Variants in BTRC observed in about 807,000 individuals in gnomAD.
The protein encoded by BTRC is beta-transducin repeat containing E3 ubiquitin protein ligase, also known as F-box/WD repeat-containing protein 1A.
In BTRC, 42 loss-of-function variants were observed where a neutral mutation model predicts 85.5. That is an observed-to-expected ratio of 0.49 (90% confidence interval 0.38 to 0.64). The LOEUF (loss-of-function observed/expected upper bound fraction) is 0.64. Ranked by LOEUF, BTRC falls within the 30% of genes least tolerant of loss-of-function variation. The pLI, the probability that BTRC is intolerant of heterozygous loss-of-function variation, is 0.00. For missense variants in BTRC, 594 were observed against 743.5 expected (o/e 0.80, Z 2.34); for synonymous variants, 255 against 263.3 (o/e 0.97, Z 0.30).
chr10:101,423,472 G>T (rs1026795873), intron 1 of BTRC, among the ~76,000 whole-genome samples: 6 of 152,174 alleles, frequency 3.9e-5, no homozygotes, highest in Admixed American at 2.0e-4. Context: ...TAAACTTATA[G>T]TAGCTGTTGT....
At chr10:101,529,006 T>C (rs201987537) in intron 6 of BTRC, among the ~76,000 whole-genome samples, 2 of 152,248 alleles carry the variant, frequency 1.3e-5, no homozygotes, top group East Asian at 3.8e-4. Flanking sequence ...GTCTGCTCAG[T>C]AATGGTAACT....
At position 101,509,534 on chromosome 10, in the gene BTRC, G is replaced by A. The variant is rs1254202442; in HGVS notation, c.325-12105G>A. Among the ~76,000 whole-genome samples, 124 of 148,694 alleles carry A rather than the reference G, an allele frequency of 8.3e-4. 1 individual carries two copies. Among genetic ancestry groups the A allele is most frequent in the South Asian group, 2.4e-3 (11 of 4,666 alleles). ...CTCCCAAAGTGCTGGGATTACAGGC[G>A]TGAGCCACCGCGCCCAGCCTTTTTT... On this transcript the variant is annotated intron_variant, in intron 4 of 14. Transcript: ENST00000370187.
chr10:101,464,031 C>T (rs370558446), intron 3 of BTRC, among the ~76,000 whole-genome samples: 3 of 151,702 alleles, frequency 2.0e-5, no homozygotes, highest in East Asian at 3.9e-4. Flanking sequence ...GGAGAATCAA[C>T]ACCTGATCTG....
intron 2 of BTRC, among the ~76,000 whole-genome samples, chr10:101,443,330 A>C (rs1222664487): frequency 6.6e-6 from 1 of 152,220 alleles, no homozygotes; most frequent in Non-Finnish European, 1.5e-5. Flanking sequence ...AAACATGCAA[A>C]TGTAGTCCTG....
At chr10:101,537,620 A>G (rs1174673313) in intron 12 of BTRC, among the ~76,000 whole-genome samples, 1 of 152,266 alleles carries the variant, frequency 6.6e-6, no homozygotes. Context: ...TTTAAATATC[A>G]GAAACTAACA....
chr10:101,354,510 AGGGAAAGGGGCGTG>A (rs1437697818), intron 1 of BTRC: 37 of 473,788 alleles, frequency 7.8e-5, no homozygotes, highest in Non-Finnish European at 1.3e-4. Flanking sequence ...GGGGCCCTGG[AGGGAAAGGGGCGTG>A]GGGACTGTTA....
chr10:101,474,133 A>G (rs373199154), intron 3 of BTRC, among the ~76,000 whole-genome samples: 6 of 152,204 alleles, frequency 3.9e-5, no homozygotes, highest in Middle Eastern at 3.4e-3. Context: ...TCTCTTGACA[A>G]TGGATCCCAT....
At chr10:101,369,138 G>A (rs1400572933) in intron 1 of BTRC, among the ~76,000 whole-genome samples, 1 of 151,876 alleles carries the variant, frequency 6.6e-6, no homozygotes, top group African/African-American at 2.4e-5. Flanking sequence ...ACCTTTTTAG[G>A]TTTGTTGACT....
At chr10:101,487,982 A>G (rs1159310699) in intron 4 of BTRC, among the ~76,000 whole-genome samples, 2 of 152,232 alleles carry the variant, frequency 1.3e-5, no homozygotes, top group Non-Finnish European at 2.9e-5. Context: ...TGGTTGATAT[A>G]TTAATAATCT....
chr10:101,411,397 C>A (rs898595975), intron 1 of BTRC, among the ~76,000 whole-genome samples: 7 of 152,164 alleles, frequency 4.6e-5, no homozygotes, highest in African/African-American at 1.7e-4. Context: ...TTCTGCCCAT[C>A]CCTGTTCTCT....
At chr10:101,457,653 T>A (rs1381642733) in intron 2 of BTRC, among the ~76,000 whole-genome samples, 4 of 152,174 alleles carry the variant, frequency 2.6e-5, no homozygotes, top group African/African-American at 9.7e-5. Context: ...AAACTTTCCA[T>A]CTGAGTATTG....
At chr10:101,463,123 A>G (rs2134174498) in intron 3 of BTRC, among the ~76,000 whole-genome samples, 1 of 150,412 alleles carries the variant, frequency 6.6e-6, no homozygotes, top group African/African-American at 2.4e-5. Flanking sequence ...TTGGCTCACC[A>G]CAACCTCCAC....
At chr10:101,519,872 G>A (rs1028013796) in intron 4 of BTRC, among the ~76,000 whole-genome samples, 3 of 152,016 alleles carry the variant, frequency 2.0e-5, no homozygotes, top group Non-Finnish European at 4.4e-5. Flanking sequence ...TTGTGCACCT[G>A]TAATCCCAGC....
chr10:101,390,361 G>A (rs1257478373), intron 1 of BTRC, among the ~76,000 whole-genome samples: 4 of 143,920 alleles, frequency 2.8e-5, no homozygotes, highest in African/African-American at 5.2e-5. Flanking sequence ...TTTCCGAGAC[G>A]GAGTCTCGCT....
intron 6 of BTRC, among the ~76,000 whole-genome samples, chr10:101,530,275 T>C (rs1488116490): frequency 2.0e-5 from 3 of 152,178 alleles, no homozygotes; most frequent in Non-Finnish European, 4.4e-5. Flanking sequence ...TTTTTTCTTC[T>C]TCCCTAGCTG....
At chr10:101,500,969 G>T (rs1296598065) in intron 4 of BTRC, among the ~76,000 whole-genome samples, 1 of 152,132 alleles carries the variant, frequency 6.6e-6, no homozygotes, top group Non-Finnish European at 1.5e-5. Flanking sequence ...CAAGGCAGGT[G>T]GATCACCTGA....
In BTRC at chr10:101,521,881, A is replaced by G; in HGVS notation, c.556+11A>G. Reference sequence around the variant, plus strand: ...TAACTGCTCTGCCAGGTATGTCTACAAGTGTTTGTAAACCATTAATTTGCT... The same window carrying G: ...TAACTGCTCTGCCAGGTATGTCTACGAGTGTTTGTAAACCATTAATTTGCT... On this transcript the variant is annotated intron_variant, in intron 5 of 14. Coordinates refer to ENST00000370187, the MANE Select transcript of BTRC (RefSeq NM_033637.4). 1.3e-6 allele frequency: 2 copies of G among 1,579,940 alleles called. No homozygotes were observed. The highest frequency in any genetic ancestry group is 1.7e-6 in the Non-Finnish European group (2 of 1,149,998).
rs2062686349 is a variant in BTRC at position 101,553,673 on chromosome 10, T to A, written c.*550T>A. The A allele has an allele frequency of 6.6e-6, 1 of 152,520 alleles. No homozygotes were observed. Among genetic ancestry groups the A allele is most frequent in the Non-Finnish European group, 1.5e-5 (1 of 68,052 alleles). 9.4% of individuals were successfully genotyped at this position (152,520 alleles called of 1,614,324 possible). On this transcript the variant is annotated 3_prime_UTR_variant, in exon 15 of 15. Transcript: ENST00000370187. ...CCAATATGCTTAGGAGGAGACAGAG[T>A]TCCCTCTGTATAGCCTCTGGGACAA...
chr10:101,380,608 T>G (rs1942904773), intron 1 of BTRC, among the ~76,000 whole-genome samples: 2 of 152,204 alleles, frequency 1.3e-5, no homozygotes, highest in Non-Finnish European at 2.9e-5. Context: ...CCTTCTCTTG[T>G]TCATGCATTC....
Sources: allele counts gnomAD v4.1 joint callset (sites outside exome capture counted in the v4.1 genomes callset), GRCh38; gene constraint gnomAD v4.1.1; transcripts MANE v1.5; gene names NCBI Gene and HGNC (gene_info 2026-07-23, HGNC 2026-07-21).